The following PLEKHG1 variants were observed in gnomAD, a reference collection of about 807,000 sequenced individuals.
PLEKHG1 encodes pleckstrin homology and RhoGEF domain containing G1, also known as pleckstrin homology domain-containing family G member 1.
PLEKHG1 carries 44 observed loss-of-function variants against 100.8 expected under a neutral mutation model. That is an observed-to-expected ratio of 0.44 (90% CI 0.34 to 0.56). The LOEUF is 0.56. Ranked by LOEUF, PLEKHG1 falls within the 20% of genes least tolerant of loss-of-function variation. The pLI, the probability that PLEKHG1 is intolerant of heterozygous loss-of-function variation, is 0.01. For synonymous variants in PLEKHG1, 640 were observed against 662.5 expected (o/e 0.97, Z 0.52); for missense variants, 1,545 against 1,720.9 (o/e 0.90, Z 1.81).
chr6:150,840,979 C>T, exon 16 of PLEKHG1: 2 of 1,070,744 alleles, frequency 1.9e-6, no homozygotes, highest in Non-Finnish European at 2.9e-6. Context: ...TTTATGTATA[C>T]CAGATTAAAA....
At chr6:150,738,544 A>G (rs1782690296) in intron 2 of PLEKHG1, among the ~76,000 whole-genome samples, 2 of 152,128 alleles carry the variant, frequency 1.3e-5, no homozygotes, top group Non-Finnish European at 2.9e-5. Flanking sequence ...GAGACATCGT[A>G]TTAAAATAAT....
chr6:150,803,198 A>T (rs536179328), intron 6 of PLEKHG1, among the ~76,000 whole-genome samples: 35 of 152,358 alleles, frequency 2.3e-4, no homozygotes, highest in African/African-American at 6.5e-4. Flanking sequence ...CAGTAAAAGT[A>T]AACAAAGATT....
chr6:150,843,469 G>A (rs1777619776), exon 16 of PLEKHG1: 1 of 152,152 alleles, frequency 6.6e-6, no homozygotes, highest in African/African-American at 2.4e-5. Flanking sequence ...AAAGTTATAT[G>A]TACTTTAAAG....
Position 150,667,090 on chromosome 6 carries a change from GTGTGTGTGTGTT to G in PLEKHG1, c.-99+16316_-99+16327del, listed in dbSNP as rs372526075. ...ATTTTTAAATTTTCTCCAAAAGGGG[GTGTGTGTGTGTT>G]TGTGTGTGTGTGTACAATGCTTAGG... On this transcript the variant is annotated intron_variant, in intron 3 of 3. Transcript: ENST00000367326. 6.7e-3 allele frequency among the ~76,000 whole-genome samples: 1,023 copies of G among 152,010 alleles called. 12 individuals are homozygous for G. Among genetic ancestry groups the G allele is most frequent in the African/African-American group, 0.023 (968 of 41,490 alleles).
chr6:150,770,621 T>G (rs148964572), intron 3 of PLEKHG1, among the ~76,000 whole-genome samples: 3 of 152,050 alleles, frequency 2.0e-5, no homozygotes, highest in African/African-American at 7.3e-5. Context: ...AGATACACAG[T>G]CTAGATAAAA....
chr6:150,752,226 T>G (rs1460882966), intron 2 of PLEKHG1, among the ~76,000 whole-genome samples: 1 of 152,186 alleles, frequency 6.6e-6, no homozygotes, highest in African/African-American at 2.4e-5. Flanking sequence ...TTGGCTGGCC[T>G]TCATAAAACA....
chr6:150,650,239 C>T (rs1221523051), intron 2 of PLEKHG1, among the ~76,000 whole-genome samples: 1 of 152,092 alleles, frequency 6.6e-6, no homozygotes, highest in Non-Finnish European at 1.5e-5. Flanking sequence ...TGTTGGAGGA[C>T]TTGTGTTTTG....
chr6:150,768,522 T>C (rs542308733), intron 2 of PLEKHG1, 116 bp from the exon 4 acceptor site: 36 of 654,976 alleles, frequency 5.5e-5, no homozygotes, highest in African/African-American at 4.9e-4. Context: ...TCAGAGTTAA[T>C]GAGCACACTA....
rs1180400882 is a variant in PLEKHG1 at position 150,804,155 on chromosome 6, TTA to T, written c.781-435_781-434del. Among the ~76,000 whole-genome samples, 74 of 30,262 alleles carry T rather than the reference TTA, an allele frequency of 2.4e-3. 3 individuals carry two copies. The highest frequency in any genetic ancestry group is 3.8e-3 in the African/African-American group (27 of 7,038). 19.9% of individuals were successfully genotyped at this position (30,262 alleles called of 152,430 possible). A position where few individuals can be genotyped will look rare whatever the true frequency, so the allele number is the denominator to read the frequency against. On this transcript the variant is annotated intron_variant, in intron 6 of 15. Transcript: ENST00000358517. ...AGAATGATGCTGGTGTGTAAATATT[TTA>T]TATATATATATATATATATTTTTTT...
intron 2 of PLEKHG1, among the ~76,000 whole-genome samples, chr6:150,646,586 C>T (rs1778511237): frequency 6.6e-6 from 1 of 152,058 alleles, no homozygotes; most frequent in African/African-American, 2.4e-5. Context: ...TTGCTGATGT[C>T]TATGAATGAA....
chr6:150,830,775 A>T (rs1167544663), exon 15 of PLEKHG1: 15 of 1,614,000 alleles, frequency 9.3e-6, no homozygotes, highest in Non-Finnish European at 1.3e-5. Flanking sequence ...AATGAGGATG[A>T]TGAAGATGAT....
Position 150,831,404 on chromosome 6 carries a change from C to T in PLEKHG1, c.2293C>T (p.Arg765Trp), listed in dbSNP as rs193920959. The T allele has an allele frequency of 1.9e-5, 30 of 1,614,022 alleles. No homozygotes were observed. Among genetic ancestry groups the T allele is most frequent in the East Asian group, 4.5e-5 (2 of 44,884 alleles). The change falls in exon 15 of 16, where the codon CGG becomes TGG. Residue 765 changes from arginine to tryptophan, a missense_variant. Physicochemically the swap from Arg to Trp is moderately radical, Grantham distance 101. Transcript: ENST00000358517. This position sits in a 1 kb window ranked among gnomAD's most constrained non-coding sequence, Gnocchi z 4.1. Reference sequence around the variant, plus strand: ...GTGCAGCAGCCTAAAGCGTGCAAAGCGGAGCACCTTTTTGGGTCTGGAGGC... The same window carrying T: ...GTGCAGCAGCCTAAAGCGTGCAAAGTGGAGCACCTTTTTGGGTCTGGAGGC...
At chr6:150,744,566 C>G (rs1783049939) in intron 2 of PLEKHG1, among the ~76,000 whole-genome samples, 1 of 152,218 alleles carries the variant, frequency 6.6e-6, no homozygotes, top group Non-Finnish European at 1.5e-5. Flanking sequence ...GAAGTCAGCT[C>G]ACATCTTTTC....
chr6:150,625,111 T>G (rs1406006274), intron 1 of PLEKHG1, among the ~76,000 whole-genome samples: 1 of 151,540 alleles, frequency 6.6e-6, no homozygotes, highest in Non-Finnish European at 1.5e-5. Flanking sequence ...GCCACTGCAC[T>G]CCAGCCTGAG....
At chr6:150,718,100 AAAATT>A (rs1781510615), upstream of PLEKHG1, among the ~76,000 whole-genome samples, 2 of 152,148 alleles carry the variant, frequency 1.3e-5, no homozygotes, top group Admixed American at 6.6e-5. Context: ...AATTAGATAA[AAAATT>A]AAATGTTGCT....
At chr6:150,635,108 A>T (rs1441142416) in intron 1 of PLEKHG1, among the ~76,000 whole-genome samples, 4 of 152,224 alleles carry the variant, frequency 2.6e-5, no homozygotes, top group Non-Finnish European at 5.9e-5. Flanking sequence ...CCTACCCTTC[A>T]CGGGCTTATC....
chr6:150,809,555 G>C (rs712216), intron 9 of PLEKHG1, 79 bp downstream of exon 10: 440,532 of 1,497,468 alleles, frequency 0.29, 67,429 homozygotes, highest in Middle Eastern at 0.36. Flanking sequence ...CTTTTTGAGA[G>C]CGTTCTGGCC....
chr6:150,763,024 C>CTTCTTTTTTTTTTTTTTTTTTTTTTT (rs1784252828), intron 2 of PLEKHG1, among the ~76,000 whole-genome samples: 1 of 76,530 alleles, frequency 1.3e-5, no homozygotes, highest in East Asian at 4.9e-4. Flanking sequence ...GATAAAGCTT[C>CTTCTTTTTTTTTTTTTTTTTTTTTTT]TTTTTTTTTT....
exon 16 of PLEKHG1, chr6:150,840,728 A>G (rs771805821): frequency 6.2e-7 from 1 of 1,614,066 alleles, no homozygotes; most frequent in Non-Finnish European, 8.5e-7. Flanking sequence ...CGCGCACTCC[A>G]AAAAAGCCGG....
Sources: gnomAD v4.1 joint callset for allele counts (sites outside exome capture counted in the v4.1 genomes callset) on GRCh38, gnomAD v4.1.1 for gene constraint, Gnocchi (gnomAD v3.1) non-coding constraint, MANE v1.5 for transcripts, NCBI Gene and HGNC (gene_info 2026-07-23, HGNC 2026-07-21) for gene names.